IFIH1: variants seen among roughly 807,000 people sequenced by gnomAD.
The protein encoded by IFIH1 is interferon-induced helicase C domain-containing protein 1.
In IFIH1, 125 loss-of-function variants were observed where a neutral mutation model predicts 107.4. That is an observed-to-expected ratio of 1.16 (90% CI 1.01 to 1.35). The LOEUF (loss-of-function observed/expected upper bound fraction) is 1.35, where lower values mean the gene tolerates loss of function less well. IFIH1 is among the 40% of genes most tolerant of loss of function. IFIH1 has a pLI of 0.00. For synonymous variants in IFIH1, 458 were observed against 413.2 expected (o/e 1.11, Z -1.31); for missense variants, 1,333 against 1,213.7 (o/e 1.10, Z -1.46).
chr2:162,310,488 A>C lies in IFIH1; in HGVS notation c.622+277T>G, dbSNP rs948328986. ...ATTTGTGTATATTTAATGTTACATA[A>C]TCTTGATAAAATTTCTGGTAGTCAT... On this transcript the variant is annotated intron_variant, in intron 2 of 15. Coordinates refer to ENST00000649979, the MANE Select transcript of IFIH1 (RefSeq NM_022168.4). 3.2e-5 allele frequency: 16 copies of C among 505,604 alleles called. No individual in the cohort carries two copies. In the South Asian group the frequency reaches 5.1e-4, roughly 16 times the overall value. The allele number at this position is 505,604 out of a possible 1,614,324, so 31.3% of individuals were successfully genotyped here. A position where few individuals can be genotyped will look rare whatever the true frequency, so the allele number is the denominator to read the frequency against.
At chr2:162,277,183 T>C (rs1682699492) in intron 10 of IFIH1, among the ~76,000 whole-genome samples, 1 of 152,186 alleles carries the variant, frequency 6.6e-6, no homozygotes, top group Non-Finnish European at 1.5e-5. Flanking sequence ...TTAGGATGGT[T>C]TAATAAATAA....
intron 14 of IFIH1, among the ~76,000 whole-genome samples, 193 bp downstream of exon 14, chr2:162,267,894 C>T (rs552717316): frequency 6.6e-6 from 1 of 152,214 alleles, no homozygotes; most frequent in African/African-American, 2.4e-5. Context: ...TTGGTTCTTA[C>T]ACTTCTCTTT....
rs781366635 is a variant in IFIH1 at position 162,273,865 on chromosome 2, C to T, written c.2384G>A (p.Gly795Asp). Residue 795 changes from glycine (G) to aspartate (D), a missense_variant, in exon 12 of 16, where the codon GGT (glycine) becomes GAT (aspartate). By Grantham distance (94) the Gly-to-Asp change is moderately conservative. Transcript: ENST00000649979. ...LLIATTVAEE[G>D]LDIKECNIVI... Reference sequence around the variant, plus strand: ...AATGTTACATTCTTTAATATCCAGACCTTCTTCTGCCACTGTGGTAGCGAT... The same window carrying T: ...AATGTTACATTCTTTAATATCCAGATCTTCTTCTGCCACTGTGGTAGCGAT... The T allele has an allele frequency of 6.2e-7, 1 of 1,610,430 alleles. No individual in the cohort carries two copies. Among genetic ancestry groups the T allele is most frequent in the Non-Finnish European group, 8.5e-7 (1 of 1,177,250 alleles).
In IFIH1 at chr2:162,299,860, T is replaced by C. The variant is rs965557721; in HGVS notation, c.770-6192A>G. Among the ~76,000 whole-genome samples, 3 of 152,190 alleles carry C rather than the reference T, an allele frequency of 2.0e-5. No homozygotes were observed. The South Asian group carries it at 6.2e-4, about 32-fold the overall frequency. ...AAATGCTCCTCTCTCATCAGACTGT[T>C]CCTCTGAACACATTTTGAGCTCTCT... On this transcript the variant is annotated intron_variant, in intron 3 of 15. Coordinates refer to ENST00000649979, the MANE Select transcript of IFIH1 (RefSeq NM_022168.4).
chr2:162,314,398 CCTTTCTTTCTTTCTTTCTTTTCTTT>C (rs1183894499), intron 1 of IFIH1, among the ~76,000 whole-genome samples: 2 of 67,020 alleles, frequency 3.0e-5, no homozygotes, highest in Admixed American at 1.3e-4. Flanking sequence ...CTCCCTCCCT[CCTTTCTTTCTTTCTTTCTTTTCTTT>C]CTTTCTTTCT....
intron 3 of IFIH1, among the ~76,000 whole-genome samples, chr2:162,300,877 T>C (rs1011046166): frequency 2.0e-5 from 3 of 152,160 alleles, no homozygotes; most frequent in African/African-American, 7.2e-5. Flanking sequence ...CAGAACATTA[T>C]TCTGGTCCTC....
rs781632751 is a variant in IFIH1 at position 162,268,116 on chromosome 2, C to T, written c.2778G>A (p.Met926Ile). Residue 926 changes from methionine (M) to isoleucine (I), a missense_variant, in exon 14 of 16, where the codon ATG (methionine) becomes ATA (isoleucine). Physicochemically the swap from Met to Ile is conservative, Grantham distance 10 (BLOSUM62 1). Coordinates refer to ENST00000649979, the MANE Select transcript of IFIH1 (RefSeq NM_022168.4). Reference sequence around the variant, plus strand: ...ATTCTGGGGTCATATTGACGTGATGCATTTTCTCAATTACATGGATATCTT... The same window carrying T: ...ATTCTGGGGTCATATTGACGTGATGTATTTTCTCAATTACATGGATATCTT... ...SGEDIHVIEK[M>I]HHVNMTPEFK... 4 of 1,606,852 alleles carry T rather than the reference C, an allele frequency of 2.5e-6. No individual in the cohort carries two copies. The East Asian group carries it at 6.7e-5, about 27-fold the overall frequency.
Position 162,277,398 on chromosome 2 carries a change from G to A in IFIH1, c.2044+17C>T, listed in dbSNP as rs1682712112. On this transcript the variant is annotated intron_variant, in intron 10 of 15. Coordinates refer to ENST00000649979, the MANE Select transcript of IFIH1 (RefSeq NM_022168.4). ...AGGTAAATGAATGACACCAGTATAT[G>A]TTACTTTGAATCTTACCAAAAAATA... 1.3e-6 allele frequency: 2 copies of A among 1,573,376 alleles called. No individual in the cohort carries two copies. The highest frequency in any genetic ancestry group is 2.2e-5 in the East Asian group (1 of 44,590).
At chr2:162,272,156 A>T (rs13392730) in intron 13 of IFIH1, 70 bp downstream of exon 13, 8 of 1,251,046 alleles carry the variant, frequency 6.4e-6, no homozygotes, top group Non-Finnish European at 8.0e-6. Context: ...AATGAGTCAC[A>T]GAGATATCAA....
intron 4 of IFIH1, 72 bp from the exon 5 acceptor site, chr2:162,288,427 A>G (rs1056558379): frequency 9.2e-7 from 1 of 1,082,908 alleles, no homozygotes; most frequent in Non-Finnish European, 1.4e-6. Context: ...CTGAAACTGA[A>G]CGTAGGCCTC....
chr2:162,274,994 G>A (rs10188109), intron 11 of IFIH1, among the ~76,000 whole-genome samples: 2 of 151,956 alleles, frequency 1.3e-5, no homozygotes, highest in African/African-American at 4.8e-5. Flanking sequence ...TTCTCCCTCC[G>A]GCCCTCACAT....
intron 5 of IFIH1, among the ~76,000 whole-genome samples, chr2:162,283,258 A>T (rs1302020190): frequency 1.3e-5 from 2 of 152,090 alleles, no homozygotes; most frequent in African/African-American, 4.8e-5. Flanking sequence ...CTAGGAGAAC[A>T]GATGTGAAGT....
At chr2:162,293,366 T>C (rs1482486842) in intron 4 of IFIH1, among the ~76,000 whole-genome samples, 198 bp downstream of exon 4, 1 of 149,054 alleles carries the variant, frequency 6.7e-6, no homozygotes, top group Non-Finnish European at 1.5e-5. Flanking sequence ...GGATCAAAAT[T>C]AGAGAGTTTG....
At chr2:162,286,475 C>A (rs1682895368) in intron 5 of IFIH1, among the ~76,000 whole-genome samples, 2 of 151,876 alleles carry the variant, frequency 1.3e-5, no homozygotes, top group Non-Finnish European at 2.9e-5. Flanking sequence ...AATCTCGAAG[C>A]CCCTTTTCAA....
chr2:162,274,514 G>C (rs537532003), intron 11 of IFIH1, among the ~76,000 whole-genome samples: 1 of 152,276 alleles, frequency 6.6e-6, no homozygotes, highest in East Asian at 1.9e-4. Flanking sequence ...TGGAAGACTA[G>C]AGGTCAGTGG....
At chr2:162,312,393 C>T (rs1683398311) in intron 1 of IFIH1, among the ~76,000 whole-genome samples, 1 of 152,112 alleles carries the variant, frequency 6.6e-6, no homozygotes, top group Non-Finnish European at 1.5e-5. Context: ...AATATTAACT[C>T]ATTTACAGAT....
chr2:162,290,289 T>C (rs533083120), intron 4 of IFIH1, among the ~76,000 whole-genome samples: 2 of 151,944 alleles, frequency 1.3e-5, no homozygotes, highest in East Asian at 3.9e-4. Flanking sequence ...TCCCCCATTT[T>C]TCATGCTTAC....
rs549750805 is a variant in IFIH1 at position 162,315,889 on chromosome 2, G to A, written c.453+1966C>T. Among the ~76,000 whole-genome samples, 143 of 152,290 alleles carry A rather than the reference G, an allele frequency of 9.4e-4. 1 individual carries two copies. The highest frequency in any genetic ancestry group is 3.3e-3 in the African/African-American group (139 of 41,548). On this transcript the variant is annotated intron_variant, in intron 1 of 15. Transcript: ENST00000649979. ...AAAAATTATTCCACACTCTCACAGA[G>A]AAACTATTGCTTCCTAGAGAGCCTC...
Position 162,267,308 on chromosome 2 carries a change from AACC to A in IFIH1, c.2967_2969del (p.Val990del). 1 of 1,612,476 alleles carries A rather than the reference AACC, an allele frequency of 6.2e-7. No individual in the cohort carries two copies. Among genetic ancestry groups the A allele is most frequent in the African/African-American group, 1.3e-5 (1 of 74,970 alleles). ...GTTTCTTTGTTGAATTATTTTTGAA[AACC>A]ACTACAAAATTCCTTATTTTGAGAC... On this transcript the variant is annotated inframe_deletion, in exon 16 of 16. Coordinates refer to ENST00000649979, the MANE Select transcript of IFIH1 (RefSeq NM_022168.4).
Sources: gnomAD v4.1 joint callset for allele counts (sites outside exome capture counted in the v4.1 genomes callset) on GRCh38, gnomAD v4.1.1 for gene constraint, MANE v1.5 for transcripts, NCBI Gene and HGNC (gene_info 2026-07-23, HGNC 2026-07-21) for gene names.